The following TRIM44 variants were observed in gnomAD, a reference collection of about 807,000 sequenced individuals.
TRIM44 encodes the protein tripartite motif containing 44.
TRIM44 carries 13 observed loss-of-function variants against 37.4 expected under a neutral mutation model. The ratio of observed to expected loss-of-function variants is 0.35; its 90% CI spans 0.23 to 0.55. The LOEUF (loss-of-function observed/expected upper bound fraction) is 0.55. Among genes scored for constraint, TRIM44 ranks in the 20% least tolerant of loss-of-function variants. The pLI, the probability that TRIM44 is intolerant of heterozygous loss-of-function variation, is 0.89. For synonymous variants in TRIM44, 175 were observed against 157.2 expected, an observed-to-expected ratio of 1.11 and a Z score of -0.85; for missense variants, 426 against 437.2, an observed-to-expected ratio of 0.97 and a Z score of 0.23.
chr11:35,691,494 G>T (rs376919942), intron 2 of TRIM44, among the ~76,000 whole-genome samples: 17 of 152,166 alleles, frequency 1.1e-4, no homozygotes, highest in Non-Finnish European at 1.6e-4. Flanking sequence ...AATGCATTTA[G>T]TACATCCAAC....
In TRIM44 at chr11:35,811,734, C is replaced by T. The variant is rs1853529349; in HGVS notation, c.*5349C>T. ...GTTTAAAAATCCTAAAACCCACCAG[C>T]AGGTGTATCTGGAGGGACAGTTTGT... On this transcript the variant is annotated 3_prime_UTR_variant, in exon 5 of 5. Coordinates refer to ENST00000299413, the MANE Select transcript of TRIM44 (RefSeq NM_017583.6). 6.6e-6 allele frequency: 1 copy of T among 152,180 alleles called. No homozygotes were observed. Among genetic ancestry groups the T allele is most frequent in the South Asian group, 2.1e-4 (1 of 4,822 alleles). The allele number at this position is 152,180 out of a possible 1,614,324, so 9.4% of individuals were successfully genotyped here. A position where few individuals can be genotyped will look rare whatever the true frequency, so the allele number is the denominator to read the frequency against.
intron 4 of TRIM44, among the ~76,000 whole-genome samples, chr11:35,760,571 C>T (rs896127974): frequency 6.6e-6 from 1 of 152,206 alleles, no homozygotes; most frequent in Non-Finnish European, 1.5e-5. Flanking sequence ...AGAAATCACT[C>T]GTCTTCTGCG....
intron 1 of TRIM44, among the ~76,000 whole-genome samples, chr11:35,667,669 C>T (rs1335067029): frequency 6.6e-6 from 1 of 152,144 alleles, no homozygotes; most frequent in Non-Finnish European, 1.5e-5. Context: ...TGGCCAATAA[C>T]CATTTTTATT....
intron 1 of TRIM44, among the ~76,000 whole-genome samples, chr11:35,668,583 T>C (rs1851357271): frequency 6.6e-6 from 1 of 152,278 alleles, no homozygotes; most frequent in Admixed American, 6.5e-5. Context: ...CCATGGTATA[T>C]GTACCACATT....
intron 2 of TRIM44, among the ~76,000 whole-genome samples, chr11:35,713,075 A>G (rs1307137627): frequency 6.6e-6 from 1 of 152,216 alleles, no homozygotes; most frequent in Non-Finnish European, 1.5e-5. Flanking sequence ...ACATATATAT[A>G]AATATAAAAT....
Position 35,726,024 on chromosome 11 carries a change from T to A in TRIM44, c.848T>A (p.Ile283Asn). The A allele has an allele frequency of 6.2e-7, 1 of 1,614,090 alleles. No homozygotes were observed. Among genetic ancestry groups the A allele is most frequent in the Non-Finnish European group, 8.5e-7 (1 of 1,180,004 alleles). Residue 283 changes from isoleucine to asparagine, a missense_variant, in exon 3 of 5, where the codon ATC (isoleucine) becomes AAC (asparagine). Ile to Asn is a moderately radical substitution (Grantham distance 149, BLOSUM62 -3). This residue lies in a region of TRIM44 where 95 missense variants were observed against 134.2 expected (regional missense o/e 0.71). Coordinates refer to ENST00000299413, the MANE Select transcript of TRIM44 (RefSeq NM_017583.6). The part of the protein sequence containing the change: ...EEQKALHLVD[I>N]QEAMATAHVT... ...CAGAAGGCCCTTCATCTAGTGGACATCCAAGAGGCAATGGCCACAGCTCAT... is the reference window on the plus strand; with the variant it reads ...CAGAAGGCCCTTCATCTAGTGGACAACCAAGAGGCAATGGCCACAGCTCAT...
intron 4 of TRIM44, among the ~76,000 whole-genome samples, chr11:35,757,209 C>T (rs1337993624): frequency 1.3e-5 from 2 of 152,180 alleles, no homozygotes; most frequent in Non-Finnish European, 1.5e-5. Flanking sequence ...AGAGATTCAG[C>T]TTCTTCCTGG....
At chr11:35,780,692 A>G (rs751383512) in intron 4 of TRIM44, among the ~76,000 whole-genome samples, 6 of 152,170 alleles carry the variant, frequency 3.9e-5, no homozygotes, top group Non-Finnish European at 8.8e-5. Flanking sequence ...TCTTTCTACA[A>G]TTCCACATAG....
intron 4 of TRIM44, among the ~76,000 whole-genome samples, chr11:35,737,316 A>G (rs1852338577): frequency 6.6e-6 from 1 of 152,190 alleles, no homozygotes; most frequent in Non-Finnish European, 1.5e-5. Flanking sequence ...AACAGGAATT[A>G]ACCTGAACAG....
chr11:35,777,493 A>G (rs879632532), intron 4 of TRIM44, among the ~76,000 whole-genome samples: 1 of 151,572 alleles, frequency 6.6e-6, no homozygotes, highest in East Asian at 1.9e-4. Context: ...TGATCCTGTC[A>G]TTATGATGTT....
intron 3 of TRIM44, among the ~76,000 whole-genome samples, chr11:35,729,005 G>A (rs573020030): frequency 6.6e-6 from 1 of 152,232 alleles, no homozygotes; most frequent in Non-Finnish European, 1.5e-5. Flanking sequence ...CAAAAATGCT[G>A]AAATCATCTA....
At chr11:35,784,221 T>C (rs1413760367) in intron 4 of TRIM44, among the ~76,000 whole-genome samples, 1 of 152,210 alleles carries the variant, frequency 6.6e-6, no homozygotes, top group East Asian at 1.9e-4. Context: ...GCCAGAATGC[T>C]CCAGACATTC....
intron 1 of TRIM44, among the ~76,000 whole-genome samples, chr11:35,665,190 A>G (rs1261296829): frequency 6.6e-6 from 1 of 151,982 alleles, no homozygotes; most frequent in East Asian, 1.9e-4. Context: ...TGTCAGTGTA[A>G]ATATTCTTGG....
intron 4 of TRIM44, among the ~76,000 whole-genome samples, chr11:35,773,447 G>C (rs1005665821): frequency 1.3e-5 from 2 of 151,932 alleles, no homozygotes; most frequent in African/African-American, 2.4e-5. Flanking sequence ...TTACTCGGTG[G>C]ATAGTTTATT....
intron 2 of TRIM44, among the ~76,000 whole-genome samples, chr11:35,711,939 G>A (rs1411995230): frequency 1.3e-5 from 2 of 152,252 alleles, no homozygotes; most frequent in African/African-American, 2.4e-5. Flanking sequence ...ATAATTCTAT[G>A]CTTTGATCAA....
rs527451827 is a variant in TRIM44 at position 35,817,710 on chromosome 11, A to G, written c.*11325A>G. ...ATCTCATGTTGAAATGTAATCCCCA[A>G]TGCTGGAGGTGGGACCTGGTGGGAA... On this transcript the variant is annotated 3_prime_UTR_variant, in exon 5 of 5. Coordinates refer to ENST00000299413, the MANE Select transcript of TRIM44 (RefSeq NM_017583.6). 3.9e-5 allele frequency: 6 copies of G among 152,288 alleles called. No homozygotes were observed. Among genetic ancestry groups the G allele is most frequent in the South Asian group, 2.1e-4 (1 of 4,826 alleles). 9.4% of individuals were successfully genotyped at this position (152,288 alleles called of 1,614,324 possible).
chr11:35,721,529 A>T (rs2135513499), intron 2 of TRIM44, among the ~76,000 whole-genome samples: 1 of 152,372 alleles, frequency 6.6e-6, no homozygotes, highest in Non-Finnish European at 1.5e-5. Flanking sequence ...CAGTGGTAGT[A>T]CCTTATTAAC....
At chr11:35,775,325 C>G (rs988324252) in intron 4 of TRIM44, among the ~76,000 whole-genome samples, 1 of 152,148 alleles carries the variant, frequency 6.6e-6, no homozygotes, top group Non-Finnish European at 1.5e-5. Context: ...ATTTTGTATC[C>G]TGAGACTTTG....
intron 4 of TRIM44, among the ~76,000 whole-genome samples, chr11:35,799,392 T>C (rs1419565438): frequency 4.6e-5 from 7 of 152,070 alleles, no homozygotes; most frequent in African/African-American, 1.7e-4. Context: ...AGAGACAGAG[T>C]CAGCTGTGAG....
Sources: allele counts gnomAD v4.1 joint callset (sites outside exome capture counted in the v4.1 genomes callset), GRCh38; gene constraint gnomAD v4.1.1; regional missense constraint gnomAD v4.1.1; transcripts MANE v1.5; gene names NCBI Gene and HGNC (gene_info 2026-07-23, HGNC 2026-07-21).